The following COBLL1 variants were observed in gnomAD, a reference collection of about 807,000 sequenced individuals.
COBLL1 encodes the protein cordon-bleu WH2 repeat protein like 1, also known as cordon-bleu protein-like 1.
In COBLL1, 50 loss-of-function variants were observed where a neutral mutation model predicts 94.8. The ratio of observed to expected loss-of-function variants is 0.53; its 90% CI spans 0.42 to 0.67. The LOEUF (loss-of-function observed/expected upper bound fraction) is 0.67. Among genes scored for constraint, COBLL1 ranks in the 30% least tolerant of loss-of-function variants. The pLI is 0.00. For missense variants in COBLL1, 1,362 were observed against 1,348.7 expected (o/e 1.01, Z -0.15); for synonymous variants, 448 against 473.8 (o/e 0.95, Z 0.71).
chr2:164,727,494 G>A (rs1222950462), intron 5 of COBLL1, among the ~76,000 whole-genome samples: 1 of 151,882 alleles, frequency 6.6e-6, no homozygotes, highest in Non-Finnish European at 1.5e-5. Context: ...CATTTCATAA[G>A]CCAACTTATT....
At chr2:164,740,907 C>A (rs571460691) in intron 3 of COBLL1, among the ~76,000 whole-genome samples, 3 of 151,770 alleles carry the variant, frequency 2.0e-5, no homozygotes, top group Non-Finnish European at 4.4e-5. Context: ...AGTTCATAAA[C>A]GTATTGAGGT....
chr2:164,742,127 G>A (rs1686629114), intron 3 of COBLL1, among the ~76,000 whole-genome samples: 1 of 152,002 alleles, frequency 6.6e-6, no homozygotes, highest in Non-Finnish European at 1.5e-5. Flanking sequence ...AAATAACTAT[G>A]ACGGGTGACA....
intron 12 of COBLL1, among the ~76,000 whole-genome samples, chr2:164,692,955 T>A (rs188156641): frequency 6.6e-6 from 1 of 152,254 alleles, no homozygotes; most frequent in Admixed American, 6.5e-5. Context: ...CATGTTTTAT[T>A]TTTTGCCATG....
intron 2 of COBLL1, among the ~76,000 whole-genome samples, chr2:164,659,089 T>A (rs552545911): frequency 6.6e-6 from 1 of 152,318 alleles, no homozygotes; most frequent in African/African-American, 2.4e-5. Flanking sequence ...TTTCTCTCCA[T>A]ATTGCTGCAT....
At chr2:164,665,654 G>A (rs1352871234) in intron 2 of COBLL1, among the ~76,000 whole-genome samples, 2 of 152,084 alleles carry the variant, frequency 1.3e-5, no homozygotes, top group East Asian at 3.9e-4. Flanking sequence ...ACCATAAGCT[G>A]GATGGTAGCT....
chr2:164,784,642 GCTTCC>G (rs1688865286), intron 2 of COBLL1, among the ~76,000 whole-genome samples: 1 of 151,928 alleles, frequency 6.6e-6, no homozygotes, highest in African/African-American at 2.4e-5. Context: ...TGCATAATCT[GCTTCC>G]CTGTCTTCTT....
intron 2 of COBLL1, 61 bp from the exon 3 acceptor site, chr2:164,743,936 T>C (rs1176928492): frequency 8.3e-7 from 1 of 1,202,930 alleles, no homozygotes; most frequent in East Asian, 2.6e-5. Flanking sequence ...AACTTTTTAA[T>C]ATGATGTATT....
intron 2 of COBLL1, among the ~76,000 whole-genome samples, chr2:164,660,827 T>C (rs1255237847): frequency 6.6e-6 from 1 of 152,178 alleles, no homozygotes; most frequent in Non-Finnish European, 1.5e-5. Flanking sequence ...ACATTTTAGG[T>C]AAGTGTGCAT....
chr2:164,769,976 T>C (rs1688129694), intron 2 of COBLL1, among the ~76,000 whole-genome samples: 1 of 152,204 alleles, frequency 6.6e-6, no homozygotes, highest in Non-Finnish European at 1.5e-5. Context: ...AAATGAGCAC[T>C]TTTGAAGCAC....
intron 2 of COBLL1, among the ~76,000 whole-genome samples, chr2:164,749,428 A>G (rs1353961494): frequency 6.6e-6 from 1 of 152,206 alleles, no homozygotes; most frequent in Non-Finnish European, 1.5e-5. Context: ...CAAAGAGGGC[A>G]ATCAAACATA....
At chr2:164,737,685 C>G (rs1270470858) in intron 3 of COBLL1, among the ~76,000 whole-genome samples, 2 of 152,142 alleles carry the variant, frequency 1.3e-5, no homozygotes, top group Non-Finnish European at 2.9e-5. Context: ...ACGTGAACTT[C>G]AGAAATTTTT....
At chr2:164,743,922 AG>A (rs1574506409) in intron 2 of COBLL1, 47 bp from the exon 3 acceptor site, 2 of 1,327,152 alleles carry the variant, frequency 1.5e-6, no homozygotes, top group East Asian at 5.1e-5. Flanking sequence ...TTTATTTTTA[AG>A]GTAACTTTTT....
chr2:164,717,055 A>C (rs1685205680), intron 7 of COBLL1, among the ~76,000 whole-genome samples: 1 of 152,178 alleles, frequency 6.6e-6, no homozygotes, highest in African/African-American at 2.4e-5. Context: ...ACTGACATTT[A>C]TCTCTCTAGC....
At chr2:164,735,892 A>G (rs962892211) in intron 3 of COBLL1, among the ~76,000 whole-genome samples, 4 of 152,198 alleles carry the variant, frequency 2.6e-5, no homozygotes, top group Admixed American at 6.5e-5. Flanking sequence ...CAAATCATTA[A>G]AAGTGGAAAA....
intron 2 of COBLL1, chr2:164,837,527 G>C (rs749165505): frequency 8.5e-5 from 37 of 434,196 alleles, no homozygotes; most frequent in Admixed American, 1.5e-4. Context: ...AACCAACCTA[G>C]GATTTCCACT....
rs1011860684 is a variant in COBLL1, at chr2:164,695,257, T to A, written c.2135A>T (p.Asn712Ile). 2 of 1,613,902 alleles carry A rather than the reference T, an allele frequency of 1.2e-6. No homozygotes were observed. The highest frequency in any genetic ancestry group is 1.7e-6 in the Non-Finnish European group (2 of 1,179,916). Residue 712 changes from asparagine to isoleucine, a missense_variant, in exon 12 of 14, where the codon AAT becomes ATT. Coordinates refer to ENST00000652658, the MANE Select transcript of COBLL1 (RefSeq NM_001365672.2). ...KNYPLYRQDY[N>I]PKPKPSNEIT... ...TTCATTTGAAGGTTTTGGCTTGGGA[T>A]TGTAGTCCTGTCTATAAAGTGGGTA...
At chr2:164,735,623 C>T (rs1468383021) in intron 3 of COBLL1, among the ~76,000 whole-genome samples, 1 of 151,936 alleles carries the variant, frequency 6.6e-6, no homozygotes, top group Non-Finnish European at 1.5e-5. Flanking sequence ...TCCAATGGAG[C>T]TGCCGCTGGG....
chr2:164,684,263 T>A lies in COBLL1; in HGVS notation c.*1683A>T, dbSNP rs1446539476. 6.6e-6 allele frequency: 1 copy of A among 152,168 alleles called. No homozygotes were observed. Among genetic ancestry groups the A allele is most frequent in the Non-Finnish European group, 1.5e-5 (1 of 68,016 alleles). 9.4% of individuals were successfully genotyped at this position (152,168 alleles called of 1,614,324 possible). A position where few individuals can be genotyped will look rare whatever the true frequency, so the allele number is the denominator to read the frequency against. On this transcript the variant is annotated 3_prime_UTR_variant, in exon 14 of 14. Transcript: ENST00000652658. ...GACTTATCATGAGTTGTAGGAACTT[T>A]CATATCTTCATAAATTAAGCCTTTC...
At position 164,684,018 on chromosome 2, in the gene COBLL1, G is replaced by T. The variant is rs2105401629; in HGVS notation, c.*1928C>A. ...TAGATATTGCAGAACTGGTAGTTAT[G>T]CCAGTGTATTTTCCCACCAACAGTA... On this transcript the variant is annotated 3_prime_UTR_variant, in exon 14 of 14. Transcript: ENST00000652658. The T allele has an allele frequency of 6.6e-6, 1 of 152,190 alleles. No individual in the cohort carries two copies. Among genetic ancestry groups the T allele is most frequent in the East Asian group, 1.9e-4 (1 of 5,174 alleles). The allele number at this position is 152,190 out of a possible 1,614,324, so 9.4% of individuals were successfully genotyped here.
Sources: allele counts gnomAD v4.1 joint callset (sites outside exome capture counted in the v4.1 genomes callset), GRCh38; gene constraint gnomAD v4.1.1; transcripts MANE v1.5; gene names NCBI Gene and HGNC (gene_info 2026-07-23, HGNC 2026-07-21).